NHS: variants seen among roughly 807,000 people sequenced by gnomAD.
NHS encodes actin remodeling regulator NHS.
A neutral mutation model predicts 72.5 loss-of-function variants in NHS; 5 were observed. The ratio of observed to expected loss-of-function variants is 0.07; its 90% CI spans 0.04 to 0.14. The LOEUF (loss-of-function observed/expected upper bound fraction) is 0.14, where lower values mean the gene tolerates loss of function less well. Among genes scored for constraint, NHS ranks in the 10% least tolerant of loss-of-function variants. NHS has a pLI of 1.00. For synonymous variants in NHS, 464 were observed against 547.7 expected, an observed-to-expected ratio of 0.85 and a Z score of 2.13; for missense variants, 1,072 against 1,355.7, an observed-to-expected ratio of 0.79 and a Z score of 3.29.
At chrX:17,538,830 A>G (rs775377367) in intron 1 of NHS, among the ~76,000 whole-genome samples, 2 of 111,948 alleles carry the variant, frequency 1.8e-5, no homozygotes, top group East Asian at 5.7e-4. Flanking sequence ...TGGGGCGTAC[A>G]CTTCTCTTCT....
chrX:17,455,526 T>G (rs1039959102), intron 1 of NHS, among the ~76,000 whole-genome samples: 1 of 112,016 alleles, frequency 8.9e-6, no homozygotes, highest in Non-Finnish European at 1.9e-5. Flanking sequence ...CCAAGTGGCT[T>G]GACTAAGGAC....
At chrX:17,704,314 T>A (rs547262889) in intron 3 of NHS, among the ~76,000 whole-genome samples, 4 of 109,636 alleles carry the variant, frequency 3.6e-5, no homozygotes, top group South Asian at 4.0e-4. Context: ...AATTTTTTTT[T>A]GAGATGGAGT....
At chrX:17,643,535 C>T (rs1262732857) in intron 1 of NHS, among the ~76,000 whole-genome samples, 1 of 111,367 alleles carries the variant, frequency 9.0e-6, no homozygotes, top group Admixed American at 9.5e-5. Context: ...GAAGAAATGG[C>T]CTCAATCAAA....
intron 1 of NHS, among the ~76,000 whole-genome samples, chrX:17,419,265 T>C (rs987016001): frequency 8.9e-6 from 1 of 112,508 alleles, no homozygotes; most frequent in Admixed American, 9.4e-5. Context: ...CATTTTTAAA[T>C]CGGGTTCTGA....
chrX:17,484,454 C>T (rs1319590145), intron 1 of NHS, among the ~76,000 whole-genome samples: 3 of 111,914 alleles, frequency 2.7e-5, no homozygotes, highest in Non-Finnish European at 5.6e-5. Context: ...CACAGATCCT[C>T]CCAAGAGGAG....
At chrX:17,683,485 G>A (rs2066141398) in intron 1 of NHS, among the ~76,000 whole-genome samples, 1 of 111,619 alleles carries the variant, frequency 9.0e-6, no homozygotes, top group Non-Finnish European at 1.9e-5. Flanking sequence ...GCCAAACAGA[G>A]ATGGTTTCTG....
intron 3 of NHS, among the ~76,000 whole-genome samples, chrX:17,714,034 T>C (rs1194392148): frequency 9.0e-6 from 1 of 111,134 alleles, no homozygotes; most frequent in East Asian, 2.8e-4. Flanking sequence ...AGGGACAAGA[T>C]GGGCATGGCT....
chrX:17,515,482 T>A (rs2065114831), intron 1 of NHS, among the ~76,000 whole-genome samples: 1 of 112,267 alleles, frequency 8.9e-6, no homozygotes, highest in Non-Finnish European at 1.9e-5. Flanking sequence ...TTGTCCACAT[T>A]ATGTACAAAG....
chrX:17,533,445 C>A, intron 1 of NHS, among the ~76,000 whole-genome samples: 1 of 110,921 alleles, frequency 9.0e-6, no homozygotes, highest in Non-Finnish European at 1.9e-5. Context: ...CACCACCACG[C>A]CTGGCTAATT....
intron 3 of NHS, among the ~76,000 whole-genome samples, chrX:17,710,072 C>T (rs1277807102): frequency 8.9e-6 from 1 of 111,775 alleles, no homozygotes; most frequent in Non-Finnish European, 1.9e-5. Context: ...CTCTTCCAGC[C>T]TTCTAATCTC....
rs1232766085 is a variant in NHS at position 17,687,904 on chromosome X, C to T, written c.718+10C>T. On this transcript the variant is annotated intron_variant, in intron 2 of 8. Transcript: ENST00000676302. ...CAAGCCCTGCGCAGAGGTGACAGAT[C>T]CTGGGCTTGGGGGCTTTTGCGGGAG... 3.3e-6 allele frequency: 4 copies of T among 1,208,281 alleles called. No homozygotes were observed. The highest frequency in any genetic ancestry group is 2.2e-6 in the Non-Finnish European group (2 of 893,520).
At chrX:17,642,649 A>G (rs1258851408) in intron 1 of NHS, among the ~76,000 whole-genome samples, 5 of 112,063 alleles carry the variant, frequency 4.5e-5, no homozygotes, top group Admixed American at 1.9e-4. Context: ...CCATTTCCCA[A>G]TATAACATCT....
chrX:17,450,673 C>T lies in NHS; in HGVS notation c.565+74351C>T, dbSNP rs2064801861. Among the ~76,000 whole-genome samples, 3 of 112,004 alleles carry T rather than the reference C, an allele frequency of 2.7e-5. No homozygotes were observed. In the South Asian group the frequency reaches 1.1e-3, roughly 41 times the overall value. On this transcript the variant is annotated intron_variant, in intron 1 of 8. Transcript: ENST00000676302. Reference sequence around the variant, plus strand: ...GGTGGATCACCTGAGGTCAGGAGTTCGAGACGAGCCTGGCCAACATGGCAA... The same window carrying T: ...GGTGGATCACCTGAGGTCAGGAGTTTGAGACGAGCCTGGCCAACATGGCAA...
intron 1 of NHS, among the ~76,000 whole-genome samples, chrX:17,386,870 C>T (rs754178489): frequency 1.1e-4 from 12 of 110,822 alleles, no homozygotes; most frequent in Non-Finnish European, 1.7e-4. Flanking sequence ...CAAGAGTCTC[C>T]CATTGTCTCT....
chrX:17,688,494 T>C lies in NHS; in HGVS notation c.718+600T>C, dbSNP rs1435363157. Among the ~76,000 whole-genome samples, 5 of 111,948 alleles carry C rather than the reference T, an allele frequency of 4.5e-5. No individual in the cohort carries two copies. In the Admixed American group the frequency reaches 4.7e-4, roughly 11 times the overall value. On this transcript the variant is annotated intron_variant, in intron 2 of 8. Transcript: ENST00000676302. Reference sequence around the variant, plus strand: ...GGATGGCTGTCATCTTTGGCTCCCATCCAATCATTGTAACAATTAGAATGA... The same window carrying C: ...GGATGGCTGTCATCTTTGGCTCCCACCCAATCATTGTAACAATTAGAATGA...
intron 1 of NHS, among the ~76,000 whole-genome samples, chrX:17,657,241 C>T (rs745782022): frequency 1.8e-5 from 2 of 112,948 alleles, no homozygotes; most frequent in East Asian, 2.8e-4. Context: ...TCCTCACCCC[C>T]CTGCGGGGAA....
chrX:17,655,032 C>T (rs1198130830), intron 1 of NHS, among the ~76,000 whole-genome samples: 2 of 112,109 alleles, frequency 1.8e-5, no homozygotes, highest in Non-Finnish European at 3.8e-5. Flanking sequence ...TCAGCCTGGG[C>T]AGGGTGAGAT....
intron 1 of NHS, among the ~76,000 whole-genome samples, chrX:17,380,164 C>T (rs2146837904): frequency 9.0e-6 from 1 of 111,513 alleles, no homozygotes; most frequent in South Asian, 3.8e-4. Flanking sequence ...TGGTGCAAGC[C>T]AGGAGATGTT....
In NHS at chrX:17,411,688, TTAGAAA is replaced by T. The variant is rs375774781; in HGVS notation, c.565+35371_565+35376del. On this transcript the variant is annotated intron_variant, in intron 1 of 8. Transcript: ENST00000676302. ...AAAAATGAAATTAGAAATATTGAAC[TTAGAAA>T]TAGAGGAAAAAATGAAATATTCCTT... Among the ~76,000 whole-genome samples the T allele has an allele frequency of 1.4e-3, 157 of 111,667 alleles. 1 individual carries two copies. The highest frequency in any genetic ancestry group is 4.5e-3 in the African/African-American group (140 of 30,775).
Sources: gnomAD v4.1 joint callset for allele counts (sites outside exome capture counted in the v4.1 genomes callset) on GRCh38, gnomAD v4.1.1 for gene constraint, MANE v1.5 for transcripts, NCBI Gene and HGNC (gene_info 2026-07-23, HGNC 2026-07-21) for gene names.